Variants in HOMER2 observed in about 807,000 individuals in gnomAD.
HOMER2 encodes the protein homer scaffold protein 2.
A neutral mutation model predicts 47.0 loss-of-function variants in HOMER2; 27 were observed. The ratio of observed to expected loss-of-function variants is 0.57; its 90% CI spans 0.42 to 0.79. The LOEUF (loss-of-function observed/expected upper bound fraction) is 0.79. Among genes scored for constraint, HOMER2 ranks in the 30% least tolerant of loss-of-function variants. The pLI is 0.00. For missense variants in HOMER2, 443 were observed against 435.0 expected (o/e 1.02, Z -0.16); for synonymous variants, 161 against 163.8 (o/e 0.98, Z 0.13).
chr15:82,891,220 G>A (rs2052694852), intron 2 of HOMER2, among the ~76,000 whole-genome samples: 1 of 152,140 alleles, frequency 6.6e-6, no homozygotes, highest in Admixed American at 6.5e-5. Flanking sequence ...AGGAACTGGT[G>A]TGCAAATAAC....
At chr15:82,947,955 T>C (rs1389349093) in intron 1 of HOMER2, among the ~76,000 whole-genome samples, 3 of 152,134 alleles carry the variant, frequency 2.0e-5, no homozygotes, top group Non-Finnish European at 4.4e-5. Flanking sequence ...TGGCATGCTG[T>C]GGTGAGCAAT....
intron 1 of HOMER2, among the ~76,000 whole-genome samples, chr15:82,923,852 C>T (rs560660982): frequency 6.6e-6 from 1 of 152,242 alleles, no homozygotes; most frequent in Non-Finnish European, 1.5e-5. Context: ...TACAAGTGAC[C>T]CTTCCCAATG....
At chr15:82,930,900 C>T (rs2053989909) in intron 1 of HOMER2, among the ~76,000 whole-genome samples, 1 of 151,310 alleles carries the variant, frequency 6.6e-6, no homozygotes, top group Admixed American at 6.6e-5. Context: ...GTGGCGGGCA[C>T]CTGTAATCCC....
At chr15:82,882,582 G>A (rs1011356776) in intron 2 of HOMER2, among the ~76,000 whole-genome samples, 8 of 152,226 alleles carry the variant, frequency 5.3e-5, no homozygotes, top group African/African-American at 1.2e-4. Flanking sequence ...AAATGTCTTC[G>A]TGTTTTAAGA....
intron 4 of HOMER2, among the ~76,000 whole-genome samples, chr15:82,860,289 T>A (rs1451345264): frequency 1.3e-5 from 2 of 152,076 alleles, no homozygotes; most frequent in African/African-American, 4.8e-5. Flanking sequence ...TGACAAGCTC[T>A]TAGAGTCCTC....
Position 82,854,635 on chromosome 15 carries a change from C to A in HOMER2, c.651+9G>T. On this transcript the variant is annotated intron_variant, in intron 6 of 8. Coordinates refer to ENST00000450735, the MANE Select transcript of HOMER2 (RefSeq NM_004839.4). ...TGGCCTCGGGGCTCACTGCATCCAC[C>A]GTACCCACCTTGTTGCGGAGCCGGT... is the stretch of plus-strand genomic sequence containing the variant. 2 of 1,608,528 alleles carry A rather than the reference C, an allele frequency of 1.2e-6. No individual in the cohort carries two copies. Among genetic ancestry groups the A allele is most frequent in the South Asian group, 2.2e-5 (2 of 90,622 alleles).
intron 6 of HOMER2, chr15:82,852,474 G>A (rs1349555927): frequency 8.6e-6 from 4 of 465,382 alleles, no homozygotes; most frequent in East Asian, 7.2e-5. Flanking sequence ...CCTTACCAGA[G>A]GCATCTTACC....
intron 1 of HOMER2, among the ~76,000 whole-genome samples, chr15:82,946,482 G>A (rs971731090): frequency 1.3e-5 from 2 of 152,082 alleles, no homozygotes; most frequent in Admixed American, 1.3e-4. Flanking sequence ...CCCTGCCTCA[G>A]GGCCTTTACA....
chr15:82,985,761 A>G (rs1395757666), intron 1 of HOMER2: 1 of 152,310 alleles, frequency 6.6e-6, no homozygotes, highest in Non-Finnish European at 1.5e-5. Flanking sequence ...AACCACATAC[A>G]AAACGGACTA....
intron 1 of HOMER2, among the ~76,000 whole-genome samples, chr15:82,914,955 G>A (rs1005881538): frequency 2.6e-5 from 4 of 152,072 alleles, no homozygotes; most frequent in East Asian, 1.9e-4. Context: ...AAGCCGAAGT[G>A]GGAGGAATGC....
In HOMER2 at chr15:82,915,471, G is replaced by A. The variant is rs1053181026; in HGVS notation, c.6-22630C>T. Reference sequence around the variant, plus strand: ...TGCCTGTAATCCAGGCACTTTGGGAGGCTGAGAGGAGTGGATCACTTGAGC... The same window carrying A: ...TGCCTGTAATCCAGGCACTTTGGGAAGCTGAGAGGAGTGGATCACTTGAGC... On this transcript the variant is annotated intron_variant, in intron 1 of 8. Transcript: ENST00000450735. Among the ~76,000 whole-genome samples, 9 of 152,244 alleles carry A rather than the reference G, an allele frequency of 5.9e-5. No individual in the cohort carries two copies. In the South Asian group the frequency reaches 6.2e-4, roughly 11 times the overall value.
At chr15:82,879,446 G>A (rs979228347) in intron 2 of HOMER2, among the ~76,000 whole-genome samples, 5 of 152,146 alleles carry the variant, frequency 3.3e-5, no homozygotes, top group African/African-American at 9.7e-5. Context: ...GCAGTGAGCC[G>A]TGATCGTGCC....
exon 2 of HOMER2, chr15:82,842,194 G>C (rs2051182622): frequency 6.6e-6 from 1 of 151,874 alleles, no homozygotes; most frequent in Non-Finnish European, 1.5e-5. Context: ...TTACTGAAAG[G>C]TTAAATATTA....
At chr15:82,893,819 GTCTC>G (rs2052810018) in intron 1 of HOMER2, among the ~76,000 whole-genome samples, 2 of 152,134 alleles carry the variant, frequency 1.3e-5, no homozygotes, top group South Asian at 4.2e-4. Flanking sequence ...TAGAGACAGG[GTCTC>G]TCTGTGTTGC....
At chr15:82,984,407 T>A (rs2030516337) in intron 1 of HOMER2, among the ~76,000 whole-genome samples, 1 of 152,242 alleles carries the variant, frequency 6.6e-6, no homozygotes, top group Non-Finnish European at 1.5e-5. Flanking sequence ...TCCTATTCCC[T>A]CATCCATACT....
intron 2 of HOMER2, among the ~76,000 whole-genome samples, chr15:82,889,221 A>C (rs1015685309): frequency 6.6e-6 from 1 of 152,192 alleles, no homozygotes; most frequent in African/African-American, 2.4e-5. Flanking sequence ...CAAAGGCCTA[A>C]AACAAAGTGG....
At chr15:82,861,728 CG>C (rs2051797481) in intron 4 of HOMER2, among the ~76,000 whole-genome samples, 1 of 152,046 alleles carries the variant, frequency 6.6e-6, no homozygotes, top group Non-Finnish European at 1.5e-5. Flanking sequence ...ATACAAGGGC[CG>C]GGTGCAGTGG....
chr15:82,872,797 C>T (rs116325909), intron 3 of HOMER2, among the ~76,000 whole-genome samples: 2,043 of 152,250 alleles, frequency 0.013, 55 homozygotes, highest in African/African-American at 0.048. Context: ...CAGAGGTGGC[C>T]TGGATTTGAC....
chr15:82,869,389 T>C (rs1319869676), intron 3 of HOMER2, among the ~76,000 whole-genome samples: 1 of 151,832 alleles, frequency 6.6e-6, no homozygotes, highest in Non-Finnish European at 1.5e-5. Context: ...TATGGCCTCT[T>C]TTGAAATAAA....
Sources: allele counts gnomAD v4.1 joint callset (sites outside exome capture counted in the v4.1 genomes callset), GRCh38; gene constraint gnomAD v4.1.1; transcripts MANE v1.5; gene names NCBI Gene and HGNC (gene_info 2026-07-23, HGNC 2026-07-21).